Variants in ITPR1 observed in about 807,000 individuals in gnomAD.
ITPR1 encodes inositol 1,4,5-trisphosphate-gated calcium channel ITPR1.
Under a neutral mutation model 318.4 loss-of-function variants are expected in ITPR1, and 96 were observed. That is an observed-to-expected ratio of 0.30 (90% confidence interval 0.26 to 0.36). ITPR1 has a LOEUF of 0.36. Ranked by LOEUF, ITPR1 falls within the 10% of genes least tolerant of loss-of-function variation. ITPR1 has a pLI of 1.00. For missense variants in ITPR1, 2,440 were observed against 3,460.2 expected (o/e 0.71, Z 7.40); for synonymous variants, 1,312 against 1,289.9 (o/e 1.02, Z -0.37).
Position 4,782,638 on chromosome 3 carries a change from C to G in ITPR1, c.6407C>G (p.Ala2136Gly). 1 of 1,606,486 alleles carries G rather than the reference C, an allele frequency of 6.2e-7. No individual in the cohort carries two copies. Among genetic ancestry groups the G allele is most frequent in the Non-Finnish European group, 8.5e-7 (1 of 1,176,032 alleles). Reference sequence around the variant, plus strand: ...TTGCAGGTGGAAGTGATCAAGAAAGCCTACATGCAAGGTGAAGTGGAATTT... The same window carrying G: ...TTGCAGGTGGAAGTGATCAAGAAAGGCTACATGCAAGGTGAAGTGGAATTT... ...PKELVEVIKK[A>G]YMQGEVEFED... is the part of the protein sequence containing the mutation. The change falls in exon 50 of 62, where the codon GCC becomes GGC. Residue 2136 changes from alanine to glycine, a missense_variant. This residue lies in a region of ITPR1 where 49 missense variants were observed against 47.2 expected (regional missense o/e 1.04). Transcript: ENST00000649015.
intron 58 of ITPR1, 177 bp downstream of exon 58, chr3:4,814,739 C>T: frequency 1.5e-6 from 1 of 655,508 alleles, no homozygotes; most frequent in Non-Finnish European, 2.6e-6. Flanking sequence ...TGAGGTGGTG[C>T]CGCAAAGTCA....
At position 4,813,630 on chromosome 3, in the gene ITPR1, A is replaced by G. The variant is rs547828943; in HGVS notation, c.7561+396A>G. 4.6e-5 allele frequency among the ~76,000 whole-genome samples: 7 copies of G among 152,318 alleles called. No individual in the cohort carries two copies. In the East Asian group the frequency reaches 1.4e-3, roughly 29 times the overall value. ...ATCAAGAAAGTGATATCCAAACTAT[A>G]AAAGGAGACTCTTGATATTCCAAGG... On this transcript the variant is annotated intron_variant, in intron 57 of 61. Coordinates refer to ENST00000649015, the MANE Select transcript of ITPR1 (RefSeq NM_001378452.1).
At chr3:4,765,347 T>C (rs773768450) in intron 44 of ITPR1, among the ~76,000 whole-genome samples, 7 of 152,076 alleles carry the variant, frequency 4.6e-5, no homozygotes, top group Non-Finnish European at 1.0e-4. Context: ...AAGAAGTGCA[T>C]TGTGGGCAGA....
chr3:4,839,188 G>A (rs1368420044), intron 61 of ITPR1, among the ~76,000 whole-genome samples: 3 of 152,192 alleles, frequency 2.0e-5, no homozygotes, highest in African/African-American at 7.2e-5. Context: ...TTAGCTGGAC[G>A]TGGTGGCACA....
At chr3:4,755,758 C>T (rs750419465) in intron 44 of ITPR1, among the ~76,000 whole-genome samples, 1 of 152,326 alleles carries the variant, frequency 6.6e-6, no homozygotes, top group East Asian at 1.9e-4. Context: ...TCTGCCCCAC[C>T]CTTGCCTGGC....
intron 44 of ITPR1, among the ~76,000 whole-genome samples, chr3:4,736,767 G>A (rs770582658): frequency 4.6e-5 from 7 of 152,322 alleles, no homozygotes; most frequent in East Asian, 3.9e-4. Context: ...GTGTTGGGAG[G>A]AAGCAGAGCT....
chr3:4,652,086 T>C (rs755408791), intron 10 of ITPR1, 37 bp from the exon 11 acceptor site: 7 of 1,446,160 alleles, frequency 4.8e-6, no homozygotes, highest in Middle Eastern at 1.7e-4. Context: ...CTAGTGTAGG[T>C]TGACATTTCA....
intron 43 of ITPR1, among the ~76,000 whole-genome samples, 169 bp downstream of exon 43, chr3:4,733,389 C>T (rs2043063105): frequency 6.6e-6 from 1 of 152,130 alleles, no homozygotes; most frequent in Non-Finnish European, 1.5e-5. Flanking sequence ...GATGCCTAAA[C>T]ATATTTTCCT....
chr3:4,667,277 A>G, intron 17 of ITPR1, 100 bp from the exon 18 acceptor site: 5 of 864,990 alleles, frequency 5.8e-6, no homozygotes, highest in Non-Finnish European at 8.8e-6. Context: ...TCTTAGGGGC[A>G]GTAGTTCTCA....
chr3:4,570,614 A>T (rs1228403563), intron 4 of ITPR1, among the ~76,000 whole-genome samples: 1 of 152,234 alleles, frequency 6.6e-6, no homozygotes, highest in Admixed American at 6.5e-5. Context: ...TTTATTTTAC[A>T]ATAAACTTTA....
chr3:4,725,666 G>C (rs878985990), intron 41 of ITPR1, 85 bp downstream of exon 41: 2 of 1,213,774 alleles, frequency 1.6e-6, no homozygotes, highest in African/African-American at 1.5e-5. Context: ...CTGAATTGTT[G>C]TAACAAAAAG....
intron 4 of ITPR1, among the ~76,000 whole-genome samples, chr3:4,524,301 G>GTTTTTTTTT (rs56380229): frequency 1.4e-5 from 1 of 73,494 alleles, no homozygotes; most frequent in African/African-American, 5.5e-5. Flanking sequence ...ATACTTTGAC[G>GTTTTTTTTT]TTTTTTTTTT....
At chr3:4,611,953 G>A (rs977799566) in intron 4 of ITPR1, among the ~76,000 whole-genome samples, 16 of 151,508 alleles carry the variant, frequency 1.1e-4, no homozygotes, top group Non-Finnish European at 1.5e-4. Context: ...CCAATCCACA[G>A]ATTCAACCAA....
At chr3:4,705,173 T>G (rs959608557) in intron 36 of ITPR1, among the ~76,000 whole-genome samples, 4 of 152,192 alleles carry the variant, frequency 2.6e-5, no homozygotes, top group Admixed American at 1.3e-4. Context: ...AAATCATTGT[T>G]TTTTGGACAT....
At chr3:4,763,547 T>C (rs905319888) in intron 44 of ITPR1, among the ~76,000 whole-genome samples, 1 of 152,214 alleles carries the variant, frequency 6.6e-6, no homozygotes, top group African/African-American at 2.4e-5. Flanking sequence ...CATTCTCCAG[T>C]TCCCAACCTA....
At position 4,779,069 on chromosome 3, in the gene ITPR1, T is replaced by G. The variant is rs1396784885; in HGVS notation, c.6292-481T>G. ...TCATTATATTAGGGGTTATGAGAGC[T>G]AATAGAAATATTTTAAGACAGGGAA... On this transcript the variant is annotated intron_variant, in intron 48 of 61. Coordinates refer to ENST00000649015, the MANE Select transcript of ITPR1 (RefSeq NM_001378452.1). The surrounding 1 kb of genome is among the most constrained non-coding windows in gnomAD (Gnocchi z 4.0). Among the ~76,000 whole-genome samples, 1 of 152,250 alleles carries G rather than the reference T, an allele frequency of 6.6e-6. No homozygotes were observed.
intron 4 of ITPR1, among the ~76,000 whole-genome samples, chr3:4,591,033 C>A (rs965067094): frequency 1.3e-5 from 2 of 152,146 alleles, no homozygotes; most frequent in Non-Finnish European, 2.9e-5. Flanking sequence ...CAGCTCCATT[C>A]GTGTTCCCGC....
chr3:4,738,182 C>T (rs1310136637), intron 44 of ITPR1, among the ~76,000 whole-genome samples: 2 of 152,116 alleles, frequency 1.3e-5, no homozygotes, highest in African/African-American at 4.8e-5. Flanking sequence ...CCTATGTAAC[C>T]TGCAATTGCA....
chr3:4,691,519 A>C (rs928871169), intron 32 of ITPR1, among the ~76,000 whole-genome samples, 175 bp downstream of exon 32: 8 of 152,222 alleles, frequency 5.3e-5, no homozygotes, highest in Admixed American at 2.6e-4. Flanking sequence ...TTGTAGATAT[A>C]GGCAAGAATC....
Sources: gnomAD v4.1 joint callset for allele counts (sites outside exome capture counted in the v4.1 genomes callset) on GRCh38, gnomAD v4.1.1 for gene constraint, gnomAD v4.1.1 regional missense constraint, Gnocchi (gnomAD v3.1) non-coding constraint, MANE v1.5 for transcripts, NCBI Gene and HGNC (gene_info 2026-07-23, HGNC 2026-07-21) for gene names.